Variants in ARSB observed in about 807,000 individuals in gnomAD.
ARSB encodes the protein N-acetylgalactosamine-4-sulfatase.
A neutral mutation model predicts 50.9 loss-of-function variants in ARSB; 41 were observed. The observed-to-expected ratio is 0.81, with a 90% CI of 0.63 to 1.04. The LOEUF (loss-of-function observed/expected upper bound fraction) is 1.04, where lower values mean the gene tolerates loss of function less well. ARSB is among the 50% of genes least tolerant of loss of function. The pLI is 0.00. For missense variants in ARSB, 672 were observed against 693.3 expected, an observed-to-expected ratio of 0.97 and a Z score of 0.35; for synonymous variants, 269 against 284.8, an observed-to-expected ratio of 0.94 and a Z score of 0.56.
chr5:78,845,762 C>A (rs867351982), intron 5 of ARSB, among the ~76,000 whole-genome samples: 3 of 151,970 alleles, frequency 2.0e-5, no homozygotes, highest in South Asian at 2.1e-4. Context: ...GTTTCAGTTC[C>A]TTATATATTC....
At chr5:78,783,513 G>C (rs1748984481) in intron 6 of ARSB, 1 of 152,082 alleles carries the variant, frequency 6.6e-6, no homozygotes, top group Non-Finnish European at 1.5e-5. Context: ...GCACCAAAGA[G>C]GAAAATATTT....
intron 4 of ARSB, among the ~76,000 whole-genome samples, chr5:78,900,653 T>C (rs1242246246): frequency 6.6e-6 from 1 of 152,192 alleles, no homozygotes; most frequent in Non-Finnish European, 1.5e-5. Flanking sequence ...TATTTGTTTT[T>C]GGTCTTCTAT....
At chr5:78,787,435 A>C (rs763578066) in intron 6 of ARSB, among the ~76,000 whole-genome samples, 1 of 152,214 alleles carries the variant, frequency 6.6e-6, no homozygotes, top group East Asian at 1.9e-4. Flanking sequence ...GACAGGAGGC[A>C]GAGGTTTCTT....
Position 78,900,323 on chromosome 5 carries a change from C to T in ARSB, c.899-14496G>A, listed in dbSNP as rs565192836. ...CCTTCTGACCTTTGTTGCAGCCTGT[C>T]CTCAGAGATATTTCTCCCTACAGGC... On this transcript the variant is annotated intron_variant, in intron 4 of 7. Transcript: ENST00000264914. 2.0e-5 allele frequency among the ~76,000 whole-genome samples: 3 copies of T among 152,230 alleles called. No individual in the cohort carries two copies. In the East Asian group the frequency reaches 5.8e-4, roughly 29 times the overall value.
At chr5:78,957,929 G>A (rs1479674658) in intron 3 of ARSB, among the ~76,000 whole-genome samples, 5 of 148,202 alleles carry the variant, frequency 3.4e-5, no homozygotes, top group African/African-American at 4.9e-5. Flanking sequence ...ATTAAAAATC[G>A]GAAGTCTACA....
intron 5 of ARSB, among the ~76,000 whole-genome samples, chr5:78,841,591 C>T (rs756923358): frequency 6.6e-5 from 10 of 152,144 alleles, no homozygotes; most frequent in South Asian, 2.1e-4. Flanking sequence ...TACATAACTA[C>T]GCAGCTTTAA....
At chr5:78,871,916 A>G (rs554379952) in intron 5 of ARSB, among the ~76,000 whole-genome samples, 1 of 150,002 alleles carries the variant, frequency 6.7e-6, no homozygotes. Flanking sequence ...CAACCTACTC[A>G]TCTGACAAAG....
chr5:78,973,591 C>T (rs7731288), intron 1 of ARSB, among the ~76,000 whole-genome samples: 2,007 of 152,278 alleles, frequency 0.013, 54 homozygotes, highest in African/African-American at 0.044. Flanking sequence ...AATCCAATCT[C>T]TTGCTGGGGG....
intron 6 of ARSB, among the ~76,000 whole-genome samples, chr5:78,816,610 C>T (rs1289374447): frequency 6.6e-6 from 1 of 152,226 alleles, no homozygotes; most frequent in Non-Finnish European, 1.5e-5. Context: ...ATGGGCCTAA[C>T]CTAATCACAT....
chr5:78,959,471 T>C (rs927040183), intron 3 of ARSB, among the ~76,000 whole-genome samples: 11 of 152,166 alleles, frequency 7.2e-5, no homozygotes, highest in Admixed American at 3.3e-4. Flanking sequence ...AAACACGGAC[T>C]TCCATTCTTT....
intron 6 of ARSB, among the ~76,000 whole-genome samples, chr5:78,783,770 T>C (rs1278661192): frequency 6.6e-6 from 1 of 152,188 alleles, no homozygotes; most frequent in Non-Finnish European, 1.5e-5. Flanking sequence ...TTTAACTATC[T>C]CATCTATACT....
intron 4 of ARSB, among the ~76,000 whole-genome samples, chr5:78,899,623 T>C (rs1041209284): frequency 2.0e-5 from 3 of 152,230 alleles, no homozygotes; most frequent in East Asian, 3.8e-4. Context: ...TCTTAAGAGT[T>C]CTTCAGTTTG....
chr5:78,913,490 T>G (rs963916756), intron 4 of ARSB, among the ~76,000 whole-genome samples: 3 of 152,224 alleles, frequency 2.0e-5, no homozygotes, highest in Non-Finnish European at 4.4e-5. Context: ...TGAGGTAGAC[T>G]TTCTATTTTT....
chr5:78,940,486 T>A (rs1419347931), intron 4 of ARSB, among the ~76,000 whole-genome samples: 1 of 152,240 alleles, frequency 6.6e-6, no homozygotes, highest in Non-Finnish European at 1.5e-5. Context: ...AGGATCCAGT[T>A]TCAGCTTTCT....
At chr5:78,793,925 G>T (rs1031746049) in intron 6 of ARSB, among the ~76,000 whole-genome samples, 2 of 152,096 alleles carry the variant, frequency 1.3e-5, no homozygotes, top group Admixed American at 1.3e-4. Context: ...GCAAGTATGC[G>T]TGTGCTGGGG....
At chr5:78,970,574 T>C (rs1752411089) in intron 1 of ARSB, among the ~76,000 whole-genome samples, 1 of 152,146 alleles carries the variant, frequency 6.6e-6, no homozygotes, top group Non-Finnish European at 1.5e-5. Context: ...TACTCTAATG[T>C]CCAACAGTGA....
intron 4 of ARSB, among the ~76,000 whole-genome samples, chr5:78,935,744 C>T (rs1332162262): frequency 1.3e-5 from 2 of 152,110 alleles, no homozygotes; most frequent in African/African-American, 4.8e-5. Flanking sequence ...TCAGTACTAT[C>T]GGGTAGTTAT....
intron 1 of ARSB, among the ~76,000 whole-genome samples, chr5:78,970,019 G>A (rs1397743007): frequency 6.6e-6 from 1 of 152,144 alleles, no homozygotes; most frequent in Admixed American, 6.5e-5. Context: ...CTTATAAAAA[G>A]CGGCCATCTG....
intron 3 of ARSB, among the ~76,000 whole-genome samples, chr5:78,958,213 T>A (rs1420974225): frequency 1.3e-5 from 2 of 152,106 alleles, no homozygotes; most frequent in African/African-American, 4.8e-5. Flanking sequence ...GTGACTCTGA[T>A]CTGGACTCTT....
Sources: allele counts gnomAD v4.1 joint callset (sites outside exome capture counted in the v4.1 genomes callset), GRCh38; gene constraint gnomAD v4.1.1; transcripts MANE v1.5; gene names NCBI Gene and HGNC (gene_info 2026-07-23, HGNC 2026-07-21).